RPA1: variants seen among roughly 807,000 people sequenced by gnomAD.
RPA1 encodes replication protein A1, also known as replication protein A 70 kDa DNA-binding subunit.
RPA1 carries 49 observed loss-of-function variants against 83.0 expected under a neutral mutation model. The observed-to-expected ratio is 0.59, with a 90% CI of 0.47 to 0.75. The LOEUF (loss-of-function observed/expected upper bound fraction) is 0.75, where lower values mean the gene tolerates loss of function less well. Ranked by LOEUF, RPA1 falls within the 30% of genes least tolerant of loss-of-function variation. The pLI, the probability that RPA1 is intolerant of heterozygous loss-of-function variation, is 0.00. For missense variants in RPA1, 693 were observed against 776.1 expected, an observed-to-expected ratio of 0.89 and a Z score of 1.27; for synonymous variants, 279 against 281.8, an observed-to-expected ratio of 0.99 and a Z score of 0.10.
chr17:1,876,178 G>C (rs1913566512), intron 7 of RPA1, among the ~76,000 whole-genome samples: 1 of 152,114 alleles, frequency 6.6e-6, no homozygotes, highest in Non-Finnish European at 1.5e-5. Context: ...GGTTTAGTTG[G>C]CTAAAATAAT....
At chr17:1,836,110 T>TTTTATTTA (rs1555584763) in intron 1 of RPA1, among the ~76,000 whole-genome samples, 7 of 151,758 alleles carry the variant, frequency 4.6e-5, no homozygotes, top group African/African-American at 1.7e-4. Context: ...ATTGCACCTT[T>TTTTATTTA]TTTATTTATT....
chr17:1,886,137 G>A (rs1319455968), intron 13 of RPA1, among the ~76,000 whole-genome samples: 6 of 151,804 alleles, frequency 4.0e-5, no homozygotes, highest in African/African-American at 1.5e-4. Context: ...TCCTCGTACT[G>A]TGTGTCTCCA....
At chr17:1,856,354 TTG>T (rs142973742) in intron 5 of RPA1, among the ~76,000 whole-genome samples, 151,985 of 151,990 alleles carry the variant, frequency 1, 75,990 homozygotes, top group Middle Eastern at 1. Context: ...CCCAAAACTT[TTG>T]GGGAAGCTGA....
chr17:1,877,178 C>T, intron 7 of RPA1, 34 bp from the exon 8 acceptor site: 1 of 1,572,944 alleles, frequency 6.4e-7, no homozygotes, highest in Non-Finnish European at 8.8e-7. Flanking sequence ...CCAAGGAAGA[C>T]CCCATACACT....
rs182695832 is a variant in RPA1 at position 1,885,688 on chromosome 17, C to G, written c.1374+1744C>G. On this transcript the variant is annotated intron_variant, in intron 13 of 16. Coordinates refer to ENST00000254719, the MANE Select transcript of RPA1 (RefSeq NM_002945.5). ...TCCTGGGCTCAAGGGATCTCCCTGC[C>G]TCAACCTCTCAAAGTGCCAGGAGTT... Among the ~76,000 whole-genome samples, 73 of 152,218 alleles carry G rather than the reference C, an allele frequency of 4.8e-4. No individual in the cohort carries two copies. The East Asian group carries it at 0.013, about 27-fold the overall frequency.
rs542535934 is a variant in RPA1 at position 1,878,924 on chromosome 17, G to T, written c.691-69G>T. 116 of 1,471,084 alleles carry T rather than the reference G, an allele frequency of 7.9e-5. No homozygotes were observed. In the African/African-American group the frequency reaches 1.5e-3, roughly 18 times the overall value. The allele number at this position is 1,471,084 out of a possible 1,614,324, so 91.1% of individuals were successfully genotyped here. Reference sequence around the variant, plus strand: ...CTAGGGTGGCCTGTGTTCTATCCCAGTGTCACTTGGGTGCTGGGGTGGCCT... The same window carrying T: ...CTAGGGTGGCCTGTGTTCTATCCCATTGTCACTTGGGTGCTGGGGTGGCCT... On this transcript the variant is annotated intron_variant, in intron 8 of 16. Transcript: ENST00000254719.
Position 1,830,057 on chromosome 17 carries a change from G to C in RPA1, c.-37G>C. ...GGACCCGGGTGGGGAAGCTGGAGCT[G>C]TTGCGGGGTCCGCGGGGAAGTCTTG... is the stretch of plus-strand genomic sequence containing the variant. On this transcript the variant is annotated 5_prime_UTR_variant, in exon 1 of 17. Coordinates refer to ENST00000254719, the MANE Select transcript of RPA1 (RefSeq NM_002945.5). 1 of 1,248,952 alleles carries C rather than the reference G, an allele frequency of 8.0e-7. No homozygotes were observed. The highest frequency in any genetic ancestry group is 1.0e-6 in the Non-Finnish European group (1 of 987,910). 77.4% of individuals were successfully genotyped at this position (1,248,952 alleles called of 1,614,324 possible). A position where few individuals can be genotyped will look rare whatever the true frequency, so the allele number is the denominator to read the frequency against.
At chr17:1,838,121 G>A (rs1470703796) in intron 1 of RPA1, among the ~76,000 whole-genome samples, 16 of 151,398 alleles carry the variant, frequency 1.1e-4, no homozygotes, top group Admixed American at 7.3e-4. Context: ...GAGAAATCCC[G>A]TCTCTACTAA....
At chr17:1,888,911 A>G in intron 14 of RPA1, 60 bp downstream of exon 14, 1 of 1,553,722 alleles carries the variant, frequency 6.4e-7, no homozygotes, top group Non-Finnish European at 8.8e-7. Context: ...CCCGTGTGCC[A>G]GGCACTGTGG....
chr17:1,878,512 A>T (rs1469507366), intron 8 of RPA1, among the ~76,000 whole-genome samples: 1 of 152,200 alleles, frequency 6.6e-6, no homozygotes, highest in African/African-American at 2.4e-5. Context: ...ATCACAAGCA[A>T]CTTGCAAACA....
chr17:1,880,921 T>C (rs940825321), intron 12 of RPA1, among the ~76,000 whole-genome samples: 2 of 152,216 alleles, frequency 1.3e-5, no homozygotes, highest in African/African-American at 2.4e-5. Flanking sequence ...GCAATTAGCA[T>C]GTAAGTGCTG....
In RPA1 at chr17:1,884,234, A is replaced by G. The variant is rs190454554; in HGVS notation, c.1374+290A>G. 2.3e-3 allele frequency among the ~76,000 whole-genome samples: 347 copies of G among 152,284 alleles called. 2 individuals carry two copies. Among genetic ancestry groups the G allele is most frequent in the Non-Finnish European group, 2.9e-3 (195 of 68,026 alleles). On this transcript the variant is annotated intron_variant, in intron 13 of 16. Transcript: ENST00000254719. This position sits in a 1 kb window ranked among gnomAD's most constrained non-coding sequence, Gnocchi z 4.1. The stretch of plus-strand genomic sequence containing the variant: ...GGTGACAGTCAAGCTTTGTGGTATA[A>G]TATCACCTGCTTTCGGGTCCACGTT...
At chr17:1,858,470 CT>C (rs71375561) in intron 5 of RPA1, 16,722 of 892,582 alleles carry the variant, frequency 0.019, no homozygotes, top group Middle Eastern at 0.023. Context: ...CTCTCTTTTT[CT>C]TTTTTTTTTT....
In RPA1 at chr17:1,891,930, TAAAAG is replaced by T; in HGVS notation, c.1651_1655del (p.Lys551GlnfsTer3). Reference sequence around the variant, plus strand: ...CAAAATGCTGCTTATCTTGGGGAATTAAAAGACAAGGTCAGCCACATATTTTATTA... The same window carrying T: ...CAAAATGCTGCTTATCTTGGGGAATTACAAGGTCAGCCACATATTTTATTA... On this transcript the variant is annotated frameshift_variant, in exon 15 of 17. Transcript: ENST00000254719. LOFTEE classifies it high-confidence loss of function. 1 of 1,602,310 alleles carries T rather than the reference TAAAAG, an allele frequency of 6.2e-7. No individual in the cohort carries two copies. Among genetic ancestry groups the T allele is most frequent in the Non-Finnish European group, 8.5e-7 (1 of 1,170,612 alleles).
intron 9 of RPA1, 77 bp downstream of exon 9, chr17:1,879,138 G>A (rs757462746): frequency 5.0e-6 from 8 of 1,609,632 alleles, no homozygotes; most frequent in South Asian, 1.1e-5. Context: ...CCAGGGGAGG[G>A]GTGTGTGGTG....
At chr17:1,841,832 GAGTA>G (rs1912057367) in intron 1 of RPA1, among the ~76,000 whole-genome samples, 1 of 152,222 alleles carries the variant, frequency 6.6e-6, no homozygotes, top group East Asian at 1.9e-4. Context: ...ACTTTATAAT[GAGTA>G]AGTGTTGCCT....
intron 1 of RPA1, among the ~76,000 whole-genome samples, chr17:1,831,165 G>T (rs879911028): frequency 4.6e-5 from 7 of 152,128 alleles, no homozygotes; most frequent in Non-Finnish European, 8.8e-5. Context: ...TCCGTCATCT[G>T]TCTGCTTATT....
chr17:1,848,027 T>A (rs1005844454), intron 4 of RPA1, among the ~76,000 whole-genome samples: 26 of 151,774 alleles, frequency 1.7e-4, no homozygotes, highest in Admixed American at 6.6e-4. Context: ...AAAAAGCGTA[T>A]CTCTGAATAG....
At chr17:1,858,884 T>C (rs575798022) in intron 5 of RPA1, among the ~76,000 whole-genome samples, 1 of 146,700 alleles carries the variant, frequency 6.8e-6, no homozygotes, top group South Asian at 2.1e-4. Context: ...TGTTTTATTT[T>C]ATTTATTTAT....
Sources: allele counts gnomAD v4.1 joint callset (sites outside exome capture counted in the v4.1 genomes callset), GRCh38; gene constraint gnomAD v4.1.1; non-coding constraint Gnocchi (gnomAD v3.1); transcripts MANE v1.5; gene names NCBI Gene and HGNC (gene_info 2026-07-23, HGNC 2026-07-21).